The following PCDH15 variants were observed in gnomAD, a reference collection of about 807,000 sequenced individuals.
PCDH15 encodes protocadherin-15.
A neutral mutation model predicts 178.5 loss-of-function variants in PCDH15; 129 were observed. The ratio of observed to expected loss-of-function variants is 0.72; its 90% CI spans 0.63 to 0.84. The LOEUF (loss-of-function observed/expected upper bound fraction) is 0.84, where lower values mean the gene tolerates loss of function less well. Among genes scored for constraint, PCDH15 ranks in the 40% least tolerant of loss-of-function variants. The pLI, the probability that PCDH15 is intolerant of heterozygous loss-of-function variation, is 0.00. For missense variants in PCDH15, 2,230 were observed against 2,099.9 expected (o/e 1.06, Z -1.21); for synonymous variants, 800 against 732.0 (o/e 1.09, Z -1.50).
intron 2 of PCDH15, among the ~76,000 whole-genome samples, chr10:55,351,856 C>T (rs1345500253): frequency 6.6e-6 from 1 of 152,098 alleles, no homozygotes; most frequent in Non-Finnish European, 1.5e-5. Context: ...TCTGCGTGTT[C>T]CTGAATGTTA....
chr10:55,536,848 T>C (rs1374131398), intron 2 of PCDH15, among the ~76,000 whole-genome samples: 1 of 152,192 alleles, frequency 6.6e-6, no homozygotes, highest in South Asian at 2.1e-4. Flanking sequence ...CTGCAACTTC[T>C]ATCTGCATAT....
chr10:55,582,596 G>GTATATATATA (rs56817323), intron 2 of PCDH15, among the ~76,000 whole-genome samples: 37 of 90,298 alleles, frequency 4.1e-4, no homozygotes, highest in Admixed American at 5.7e-4. Flanking sequence ...ATGTGTATGT[G>GTATATATATA]TATATATATA....
intron 3 of PCDH15, among the ~76,000 whole-genome samples, chr10:54,458,852 C>T (rs1384572565): frequency 6.6e-6 from 1 of 152,120 alleles, no homozygotes; most frequent in Non-Finnish European, 1.5e-5. Context: ...CTTACTTAAA[C>T]TTTCAGTATC....
chr10:55,127,845 A>T (rs533294472), intron 2 of PCDH15, among the ~76,000 whole-genome samples: 1 of 152,032 alleles, frequency 6.6e-6, no homozygotes, highest in African/African-American at 2.4e-5. Context: ...TTGTTTCATT[A>T]TACTTTCCAC....
chr10:55,006,051 G>C (rs767656751), intron 2 of PCDH15, among the ~76,000 whole-genome samples: 4 of 151,636 alleles, frequency 2.6e-5, no homozygotes, highest in Non-Finnish European at 4.4e-5. Flanking sequence ...ATTCAATCAG[G>C]GTAATTAACT....
chr10:54,343,713 T>A (rs1345547006), intron 6 of PCDH15, among the ~76,000 whole-genome samples: 1 of 151,644 alleles, frequency 6.6e-6, no homozygotes, highest in Non-Finnish European at 1.5e-5. Context: ...AGTTAACAGG[T>A]GCAGCACACC....
Position 54,153,256 on chromosome 10 carries a change from TC to T in PCDH15, c.1627del (p.Glu543ArgfsTer31), listed in dbSNP as rs1057516892. The stretch of plus-strand genomic sequence containing the variant: ...CCCAACAAGGATTTCATATGTGATC[TC>T]CCCATTTGACCCTTCGTCTGCGTCG... ...AVDADEGSNG[E>X]ITYEILVGAQ... On this transcript the variant is annotated frameshift_variant, in exon 14 of 38. Transcript: ENST00000644397. LOFTEE classifies it high-confidence loss of function. The T allele has an allele frequency of 2.5e-6, 4 of 1,613,678 alleles. No homozygotes were observed. Among genetic ancestry groups the T allele is most frequent in the South Asian group, 1.1e-5 (1 of 91,082 alleles).
At chr10:54,352,344 C>T (rs1944311334) in intron 5 of PCDH15, among the ~76,000 whole-genome samples, 1 of 152,086 alleles carries the variant, frequency 6.6e-6, no homozygotes, top group Non-Finnish European at 1.5e-5. Flanking sequence ...AACTGGAAGA[C>T]AATTGGTACA....
chr10:54,053,529 AG>A (rs1208757112), intron 18 of PCDH15, among the ~76,000 whole-genome samples: 1 of 152,202 alleles, frequency 6.6e-6, no homozygotes, highest in Non-Finnish European at 1.5e-5. Context: ...GAAAACACCG[AG>A]GGTATAGGAA....
At chr10:54,075,120 G>A (rs936594402) in intron 17 of PCDH15, among the ~76,000 whole-genome samples, 26 of 152,144 alleles carry the variant, frequency 1.7e-4, no homozygotes, top group African/African-American at 6.3e-4. Context: ...GCTCACACCT[G>A]TAATCCCAGC....
intron 2 of PCDH15, among the ~76,000 whole-genome samples, chr10:55,517,949 A>G (rs1841060383): frequency 6.6e-6 from 1 of 152,154 alleles, no homozygotes; most frequent in Non-Finnish European, 1.5e-5. Flanking sequence ...TTAGTTTCTA[A>G]CAGCTAAAGT....
rs114932406 is a variant in PCDH15 at position 54,942,745 on chromosome 10, T to G, written c.-79-45245A>C. On this transcript the variant is annotated intron_variant, in intron 2 of 5. Coordinates refer to the PCDH15 transcript ENST00000458638. ...GGAGCCTGAAAACAGGTTTTCCAATTATTGCTGAAATTATTTTCAGTGTAG... is the reference window on the plus strand; with the variant it reads ...GGAGCCTGAAAACAGGTTTTCCAATGATTGCTGAAATTATTTTCAGTGTAG... Among the ~76,000 whole-genome samples the G allele has an allele frequency of 7.3e-3, 1,104 of 152,160 alleles. 12 individuals are homozygous for G. Among genetic ancestry groups the G allele is most frequent in the African/African-American group, 0.025 (1,057 of 41,560 alleles).
At chr10:55,508,284 C>A (rs926956043) in intron 2 of PCDH15, among the ~76,000 whole-genome samples, 8 of 151,624 alleles carry the variant, frequency 5.3e-5, no homozygotes, top group Non-Finnish European at 1.0e-4. Flanking sequence ...AGAGCAGTTC[C>A]ATTTTTTTAC....
At chr10:54,879,745 A>T (rs1267205755) in intron 3 of PCDH15, among the ~76,000 whole-genome samples, 2 of 151,592 alleles carry the variant, frequency 1.3e-5, no homozygotes, top group East Asian at 3.9e-4. Context: ...CTACATTATT[A>T]TATATAACCA....
At chr10:54,184,423 G>C (rs1193697788) in intron 12 of PCDH15, among the ~76,000 whole-genome samples, 1 of 151,704 alleles carries the variant, frequency 6.6e-6, no homozygotes, top group Non-Finnish European at 1.5e-5. Flanking sequence ...TACTATACTT[G>C]TTATTTACGT....
At chr10:54,160,525 A>G (rs1395849749) in intron 13 of PCDH15, among the ~76,000 whole-genome samples, 1 of 152,170 alleles carries the variant, frequency 6.6e-6, no homozygotes, top group East Asian at 1.9e-4. Context: ...TTTCTTAAAT[A>G]TGACAGTAAA....
intron 14 of PCDH15, among the ~76,000 whole-genome samples, chr10:54,135,718 C>T (rs191062873): frequency 4.6e-5 from 7 of 152,268 alleles, no homozygotes; most frequent in Non-Finnish European, 7.4e-5. Context: ...AGTCCTACAA[C>T]GTTATTGGTA....
intron 2 of PCDH15, among the ~76,000 whole-genome samples, chr10:55,160,464 C>T (rs1839034287): frequency 6.6e-6 from 1 of 151,874 alleles, no homozygotes; most frequent in South Asian, 2.1e-4. Flanking sequence ...GTCCCCAAAA[C>T]TCTCGAAACT....
intron 3 of PCDH15, among the ~76,000 whole-genome samples, chr10:54,840,411 G>T (rs963231953): frequency 1.3e-5 from 2 of 151,598 alleles, no homozygotes; most frequent in Admixed American, 6.6e-5. Context: ...TTTATATAAG[G>T]TTTGTTGTAA....
Sources: gnomAD v4.1 joint callset for allele counts (sites outside exome capture counted in the v4.1 genomes callset) on GRCh38, gnomAD v4.1.1 for gene constraint, MANE v1.5 for transcripts, NCBI Gene and HGNC (gene_info 2026-07-23, HGNC 2026-07-21) for gene names.